RAD17: variants seen among roughly 807,000 people sequenced by gnomAD.
RAD17 encodes the protein cell cycle checkpoint protein RAD17.
In RAD17, 31 loss-of-function variants were observed where a neutral mutation model predicts 81.5. The observed-to-expected ratio is 0.38, with a 90% CI of 0.29 to 0.51. The LOEUF (loss-of-function observed/expected upper bound fraction) is 0.51. RAD17 is among the 20% of genes least tolerant of loss of function. The pLI is 0.88. For missense variants in RAD17, 681 were observed against 781.2 expected, an observed-to-expected ratio of 0.87 and a Z score of 1.53; for synonymous variants, 261 against 266.2, an observed-to-expected ratio of 0.98 and a Z score of 0.19.
intron 4 of RAD17, 133 bp from the exon 5 acceptor site, chr5:69,373,686 ATTTTTTTTTTT>A (rs56385833): frequency 1.5e-4 from 38 of 251,926 alleles, no homozygotes; most frequent in South Asian, 1.9e-4. Context: ...TCTCAAAAAA[ATTTTTTTTTTT>A]TTTTTTTTTT....
chr5:69,405,624 G>A (rs1158943121), intron 17 of RAD17, among the ~76,000 whole-genome samples: 7 of 151,614 alleles, frequency 4.6e-5, no homozygotes, highest in South Asian at 2.1e-4. Flanking sequence ...CCACGATCAC[G>A]CCATTGCACC....
At position 69,377,602 on chromosome 5, in the gene RAD17, TATATATGTATACATATATATGC is replaced by T. The variant is rs1290196559; in HGVS notation, c.351+2898_351+2919del. Among the ~76,000 whole-genome samples the T allele has an allele frequency of 4.7e-4, 27 of 57,660 alleles. 4 individuals carry two copies. The highest frequency in any genetic ancestry group is 1.0e-3 in the Non-Finnish European group (26 of 25,382). 37.8% of individuals were successfully genotyped at this position (57,660 alleles called of 152,430 possible). A position where few individuals can be genotyped will look rare whatever the true frequency, so the allele number is the denominator to read the frequency against. On this transcript the variant is annotated intron_variant, in intron 6 of 18. Transcript: ENST00000354868. ...ATATGTATACATATATATATGCATA[TATATATGTATACATATATATGC>T]ATATATATGTATACATATATATATG...
chr5:69,386,424 A>C lies in RAD17; in HGVS notation c.853A>C (p.Met285Leu). 1 of 1,599,292 alleles carries C rather than the reference A, an allele frequency of 6.3e-7. No individual in the cohort carries two copies. Among genetic ancestry groups the C allele is most frequent in the Non-Finnish European group, 8.5e-7 (1 of 1,174,678 alleles). Residue 285 changes from methionine (M) to leucine (L), a missense_variant, in exon 11 of 19, where the codon ATG becomes CTG. By Grantham distance (15) the Met-to-Leu change is conservative. Coordinates refer to ENST00000354868, the MANE Select transcript of RAD17 (RefSeq NM_133338.3). Reference sequence around the variant, plus strand: ...CAACCCTGTGGCACCAACAATTATGATGAAATTTCTTAATCGAATAGTGAC... The same window carrying C: ...CAACCCTGTGGCACCAACAATTATGCTGAAATTTCTTAATCGAATAGTGAC... ...SFNPVAPTIM[M>L]KFLNRIVTIE...
chr5:69,377,439 GTATATATA>G lies in RAD17; in HGVS notation c.351+2757_351+2764del, dbSNP rs373632198. Among the ~76,000 whole-genome samples the G allele has an allele frequency of 5.8e-4, 32 of 55,494 alleles. 2 individuals carry two copies. Among genetic ancestry groups the G allele is most frequent in the African/African-American group, 3.0e-3 (31 of 10,208 alleles). The allele number at this position is 55,494 out of a possible 152,430, so 36.4% of individuals were successfully genotyped here. ...GGTATATGTGTGTGTGTGTGTGTGTGTATATATATATATATATATATATATATATATAT... is the reference window on the plus strand; with the variant it reads ...GGTATATGTGTGTGTGTGTGTGTGTGTATATATATATATATATATATATAT... On this transcript the variant is annotated intron_variant, in intron 6 of 18. Coordinates refer to ENST00000354868, the MANE Select transcript of RAD17 (RefSeq NM_133338.3).
intron 18 of RAD17, 104 bp from the exon 19 acceptor site, chr5:69,413,927 A>G (rs1766202336): frequency 1.5e-6 from 2 of 1,375,938 alleles, no homozygotes; most frequent in South Asian, 1.4e-5. Context: ...TAAACAGCAC[A>G]ATGTAGGTAA....
chr5:69,390,894 A>G (rs1204030867), intron 12 of RAD17, among the ~76,000 whole-genome samples: 1 of 151,024 alleles, frequency 6.6e-6, no homozygotes, highest in Admixed American at 6.6e-5. Flanking sequence ...TTGAGGCTTC[A>G]GTGAGCTATG....
intron 13 of RAD17, 50 bp downstream of exon 13, chr5:69,392,063 A>T: frequency 7.4e-7 from 1 of 1,351,590 alleles, no homozygotes; most frequent in Non-Finnish European, 9.9e-7. Context: ...CATAGTCTTA[A>T]AATGGAAATA....
chr5:69,377,419 A>G (rs1436339754), intron 6 of RAD17, among the ~76,000 whole-genome samples: 7 of 65,790 alleles, frequency 1.1e-4, no homozygotes, highest in East Asian at 8.5e-4. Context: ...ACTTAGGTAT[A>G]TGTGTGTGTG....
chr5:69,381,791 C>T, intron 6 of RAD17, 110 bp from the exon 7 acceptor site: 1 of 765,090 alleles, frequency 1.3e-6, no homozygotes, highest in Non-Finnish European at 2.0e-6. Context: ...TTATATGAGA[C>T]ATTCAGCAAA....
At position 69,371,015 on chromosome 5, in the gene RAD17, C is replaced by T. The variant is rs1163390126; in HGVS notation, c.-416-20C>T. ...AAGACAAAAATTTTACAGTTTAAGACTTAAATTCTTCGTCCACAGCAAGTG... is the reference window on the plus strand; with the variant it reads ...AAGACAAAAATTTTACAGTTTAAGATTTAAATTCTTCGTCCACAGCAAGTG... On this transcript the variant is annotated intron_variant, in intron 1 of 18. Coordinates refer to ENST00000354868, the MANE Select transcript of RAD17 (RefSeq NM_133338.3). 4.1e-6 allele frequency: 1 copy of T among 246,372 alleles called. No individual in the cohort carries two copies. The highest frequency in any genetic ancestry group is 4.7e-4 in the Middle Eastern group (1 of 2,124). The allele number at this position is 246,372 out of a possible 1,614,324, so 15.3% of individuals were successfully genotyped here. A position where few individuals can be genotyped will look rare whatever the true frequency, so the allele number is the denominator to read the frequency against.
chr5:69,410,693 C>T, intron 18 of RAD17, 143 bp downstream of exon 18: 1 of 738,048 alleles, frequency 1.4e-6, no homozygotes, highest in Admixed American at 2.7e-5. Flanking sequence ...GTATTGTAGA[C>T]CCTTCCTTTT....
chr5:69,402,276 C>T (rs1765321340), intron 17 of RAD17, among the ~76,000 whole-genome samples: 1 of 151,728 alleles, frequency 6.6e-6, no homozygotes. Flanking sequence ...ATCTCGAACT[C>T]CTGGCCTTAA....
At chr5:69,413,438 A>G (rs1342132685) in intron 18 of RAD17, among the ~76,000 whole-genome samples, 1 of 152,320 alleles carries the variant, frequency 6.6e-6, no homozygotes, top group East Asian at 1.9e-4. Context: ...GACAGTCTCA[A>G]TGAAAAAAAA....
At chr5:69,392,122 G>C (rs906551773) in intron 13 of RAD17, 109 bp downstream of exon 13, 7 of 904,172 alleles carry the variant, frequency 7.7e-6, no homozygotes, top group African/African-American at 1.8e-5. Context: ...TGCTCTAAGA[G>C]TTAGAGCTAG....
chr5:69,371,689 A>C (rs982250717), intron 3 of RAD17, 132 bp downstream of exon 3: 8 of 478,560 alleles, frequency 1.7e-5, no homozygotes, highest in Non-Finnish European at 2.7e-5. Context: ...TGATTTAAGC[A>C]AGTCTGGTAA....
chr5:69,390,982 T>A (rs1041301258), intron 12 of RAD17, among the ~76,000 whole-genome samples: 4 of 149,252 alleles, frequency 2.7e-5, no homozygotes, highest in African/African-American at 9.9e-5. Context: ...GCATGGTGGC[T>A]CATGCCTGTA....
rs932540226 is a variant in RAD17 at position 69,406,890 on chromosome 5, A to G, written c.1694-3603A>G. Among the ~76,000 whole-genome samples, 3 of 152,118 alleles carry G rather than the reference A, an allele frequency of 2.0e-5. No individual in the cohort carries two copies. The East Asian group carries it at 5.8e-4, about 29-fold the overall frequency. Reference sequence around the variant, plus strand: ...ATAATAACTCTGTGAGGTAATATATATGTTAATTAGCTATAGTCATTCTAC... The same window carrying G: ...ATAATAACTCTGTGAGGTAATATATGTGTTAATTAGCTATAGTCATTCTAC... On this transcript the variant is annotated intron_variant, in intron 17 of 18. Coordinates refer to ENST00000354868, the MANE Select transcript of RAD17 (RefSeq NM_133338.3).
Position 69,393,458 on chromosome 5 carries a change from T to A in RAD17, c.1380T>A (p.Ser460Arg). The A allele has an allele frequency of 6.2e-7, 1 of 1,610,442 alleles. No individual in the cohort carries two copies. The highest frequency in any genetic ancestry group is 8.5e-7 in the Non-Finnish European group (1 of 1,178,808). ...AAATTGATGATATTGTGAGAGCCAG[T>A]GAATTTCTGAGTTTTGCAGATATCC... ...FMEIDDIVRA[S>R]EFLSFADILS... Residue 460 changes from serine (S) to arginine (R), a missense_variant, in exon 15 of 19, where the codon AGT becomes AGA. Coordinates refer to ENST00000354868, the MANE Select transcript of RAD17 (RefSeq NM_133338.3).
In RAD17 at chr5:69,407,562, G is replaced by GTTTTTT. The variant is rs550222595; in HGVS notation, c.1694-2905_1694-2900dup. Among the ~76,000 whole-genome samples the GTTTTTT allele has an allele frequency of 6.7e-3, 273 of 40,942 alleles. 90 individuals carry two copies. The highest frequency in any genetic ancestry group is 0.021 in the East Asian group (21 of 990). 26.9% of individuals were successfully genotyped at this position (40,942 alleles called of 152,430 possible). A position where few individuals can be genotyped will look rare whatever the true frequency, so the allele number is the denominator to read the frequency against. ...CTTCTATATGTCAATCTATGTCCAA[G>GTTTTTT]TTTTTTTTTTTTTTTTTTTTTTTTT... On this transcript the variant is annotated intron_variant, in intron 17 of 18. Coordinates refer to ENST00000354868, the MANE Select transcript of RAD17 (RefSeq NM_133338.3).
Sources: allele counts gnomAD v4.1 joint callset (sites outside exome capture counted in the v4.1 genomes callset), GRCh38; gene constraint gnomAD v4.1.1; transcripts MANE v1.5; gene names NCBI Gene and HGNC (gene_info 2026-07-23, HGNC 2026-07-21).